The following KANSL1 variants were observed in gnomAD, a reference collection of about 807,000 sequenced individuals.
KANSL1 encodes KAT8 regulatory NSL complex subunit 1.
KANSL1 carries 22 observed loss-of-function variants against 103.6 expected under a neutral mutation model. The observed-to-expected ratio is 0.21, with a 90% CI of 0.15 to 0.30. The LOEUF is 0.30. KANSL1 is among the 10% of genes least tolerant of loss of function. The pLI, the probability that KANSL1 is intolerant of heterozygous loss-of-function variation, is 1.00. For synonymous variants in KANSL1, 600 were observed against 527.6 expected, an observed-to-expected ratio of 1.14 and a Z score of -1.88; for missense variants, 1,337 against 1,399.8, an observed-to-expected ratio of 0.96 and a Z score of 0.72.
At position 46,050,696 on chromosome 17, in the gene KANSL1, C is replaced by T. The variant is rs191986791; in HGVS notation, c.1857G>A (p.Arg619=). The part of the protein sequence containing the change: ...SIVPLSKKVH[R]NSTIRPGCDV... ...CACAGCCAGGGCGGATTGTGCTGTT[C>T]CGGTGAACCTGTGAAAAAAGCCAAA... is the stretch of plus-strand genomic sequence containing the variant. Residue 619 remains arginine, a synonymous_variant, in exon 7 of 15, where the codon CGG becomes CGA. Coordinates refer to ENST00000432791, the MANE Select transcript of KANSL1 (RefSeq NM_015443.4). 6.2e-7 allele frequency: 1 copy of T among 1,607,388 alleles called. No individual in the cohort carries two copies. The highest frequency in any genetic ancestry group is 1.3e-5 in the African/African-American group (1 of 74,890).
chr17:46,148,818 T>G (rs1428145527), intron 2 of KANSL1, among the ~76,000 whole-genome samples: 7 of 151,138 alleles, frequency 4.6e-5, no homozygotes, highest in East Asian at 2.0e-4. Flanking sequence ...ACGCCTGATC[T>G]CAAGTAATCT....
chr17:46,212,010 G>C (rs955454447), intron 1 of KANSL1, among the ~76,000 whole-genome samples: 3 of 152,200 alleles, frequency 2.0e-5, no homozygotes, highest in Non-Finnish European at 2.9e-5. Context: ...CAATTGGTTG[G>C]ACAGACCCCG....
chr17:46,068,964 C>T (rs760330142), intron 4 of KANSL1, among the ~76,000 whole-genome samples: 11 of 152,194 alleles, frequency 7.2e-5, no homozygotes, highest in Non-Finnish European at 1.5e-4. Flanking sequence ...CTCGCTATCC[C>T]GCCCAAGCTG....
At chr17:46,067,002 A>AT (rs1406685934) in intron 5 of KANSL1, among the ~76,000 whole-genome samples, 2 of 152,246 alleles carry the variant, frequency 1.3e-5, no homozygotes, top group East Asian at 3.8e-4. Flanking sequence ...AGTTCTAGTG[A>AT]TTGAGTTCTC....
chr17:46,193,390 CT>C lies in KANSL1; in HGVS notation c.-658del. 2.5e-5 allele frequency: 4 copies of C among 157,506 alleles called. No individual in the cohort carries two copies. The highest frequency in any genetic ancestry group is 4.1e-5 in the Non-Finnish European group (3 of 72,836). 9.8% of individuals were successfully genotyped at this position (157,506 alleles called of 1,614,324 possible). On this transcript the variant is annotated 5_prime_UTR_variant, in exon 1 of 15. Transcript: ENST00000432791. ...CACTGGGAAAATGGCGGCCGAGCTCCTTTTCCCTCCCCCCCTTTAATCTGAA... is the reference window on the plus strand; with the variant it reads ...CACTGGGAAAATGGCGGCCGAGCTCCTTTCCCTCCCCCCCTTTAATCTGAA...
At chr17:46,062,355 CTTTTTTTTT>C (rs34577730) in intron 6 of KANSL1, among the ~76,000 whole-genome samples, 2 of 95,468 alleles carry the variant, frequency 2.1e-5, no homozygotes, top group Admixed American at 2.8e-4. Flanking sequence ...ATAACAACAG[CTTTTTTTTT>C]TTTTTTTTTT....
chr17:46,192,962 C>T lies in KANSL1; in HGVS notation c.-229G>A, dbSNP rs1397168945. On this transcript the variant is annotated 5_prime_UTR_variant, in exon 1 of 15. Transcript: ENST00000432791. ...GCGGCTCCGGCCCGGGCCCGCCGCT[C>T]TCCTCCCCCCGACGCCCGGAGCCGC... 6.6e-6 allele frequency: 1 copy of T among 151,488 alleles called. No homozygotes were observed. Among genetic ancestry groups the T allele is most frequent in the Non-Finnish European group, 1.5e-5 (1 of 67,894 alleles). The allele number at this position is 151,488 out of a possible 1,614,324, so 9.4% of individuals were successfully genotyped here. A position where few individuals can be genotyped will look rare whatever the true frequency, so the allele number is the denominator to read the frequency against.
chr17:46,204,277 T>TA (rs2047894949), intron 1 of KANSL1, among the ~76,000 whole-genome samples: 1 of 151,846 alleles, frequency 6.6e-6, no homozygotes, highest in South Asian at 2.1e-4. Context: ...GCCAACATGA[T>TA]AAAATTTTTG....
chr17:46,047,848 G>C (rs1442930133), intron 7 of KANSL1, among the ~76,000 whole-genome samples: 2 of 148,882 alleles, frequency 1.3e-5, no homozygotes, highest in African/African-American at 2.5e-5. Context: ...CTACCTGGGA[G>C]ATATTATGAA....
At chr17:46,086,911 C>T (rs967604935) in intron 3 of KANSL1, among the ~76,000 whole-genome samples, 3 of 152,048 alleles carry the variant, frequency 2.0e-5, no homozygotes, top group African/African-American at 7.2e-5. Flanking sequence ...GTACTACAGG[C>T]GCATACCACC....
chr17:46,062,924 C>G (rs1277633653), intron 6 of KANSL1, among the ~76,000 whole-genome samples: 3 of 152,056 alleles, frequency 2.0e-5, no homozygotes, highest in Non-Finnish European at 4.4e-5. Context: ...GTGGCGTATG[C>G]CTGTAACCCC....
chr17:46,222,796 A>T (rs2048571967), intron 1 of KANSL1: 1 of 151,652 alleles, frequency 6.6e-6, no homozygotes, highest in Non-Finnish European at 1.5e-5. Flanking sequence ...GGTTTCCAAG[A>T]CTCCTTATCC....
chr17:46,165,424 G>A (rs1026019067), intron 2 of KANSL1, among the ~76,000 whole-genome samples: 1 of 152,084 alleles, frequency 6.6e-6, no homozygotes. Context: ...AGTAGAGACG[G>A]CGTTTCACCG....
chr17:46,062,134 A>AAAAAAAAAAAAAAAAAAAAC (rs67483415), intron 6 of KANSL1, among the ~76,000 whole-genome samples: 3 of 132,748 alleles, frequency 2.3e-5, no homozygotes, highest in Non-Finnish European at 3.3e-5. Flanking sequence ...AAAAAAAAAA[A>AAAAAAAAAAAAAAAAAAAAC]CATGTTACAG....
rs17662853 is a variant in KANSL1 at position 46,171,482 on chromosome 17, G to A, written c.662C>T (p.Thr221Ile). ...TGCAGTGCTATTATTGCTATACAAA[G>A]TTGTGTGTTCTACATCAAGGCTTCT... ...PHRSLDVEHT[T>I]LYSNNSTANK... The change falls in exon 2 of 15, where the codon ACT becomes ATT. Residue 221 changes from threonine (T) to isoleucine (I), a missense_variant. Thr to Ile is a moderately conservative substitution (Grantham distance 89). Transcript: ENST00000432791. The A allele has an allele frequency of 0.15, 242,467 of 1,608,748 alleles. 20,799 individuals carry two copies. The highest frequency in any genetic ancestry group is 0.17 in the Non-Finnish European group (203,762 of 1,175,752).
intron 8 of KANSL1, 138 bp from the exon 9 acceptor site, chr17:46,039,353 T>C (rs1390607678): frequency 2.6e-6 from 2 of 776,202 alleles, no homozygotes; most frequent in Non-Finnish European, 3.9e-6. Flanking sequence ...GACTGAAGTT[T>C]CTAGTAATTT....
chr17:46,173,409 T>C (rs185774950), intron 1 of KANSL1, among the ~76,000 whole-genome samples: 1 of 152,354 alleles, frequency 6.6e-6, no homozygotes, highest in Non-Finnish European at 1.5e-5. Context: ...ACTGCTTTTA[T>C]TTAGTAACCA....
intron 1 of KANSL1, among the ~76,000 whole-genome samples, chr17:46,219,825 T>C (rs2048465056): frequency 6.6e-6 from 1 of 152,230 alleles, no homozygotes. Flanking sequence ...TTCTCTCGGC[T>C]GGGCACGGTG....
At chr17:46,183,494 C>T (rs2046881642) in intron 1 of KANSL1, among the ~76,000 whole-genome samples, 1 of 151,992 alleles carries the variant, frequency 6.6e-6, no homozygotes, top group South Asian at 2.1e-4. Flanking sequence ...GAGCTGTTAT[C>T]ACGCCACTGC....
Sources: allele counts gnomAD v4.1 joint callset (sites outside exome capture counted in the v4.1 genomes callset), GRCh38; gene constraint gnomAD v4.1.1; transcripts MANE v1.5; gene names NCBI Gene and HGNC (gene_info 2026-07-23, HGNC 2026-07-21).